Variants in WWOX observed in about 807,000 individuals in gnomAD.
WWOX encodes WW domain-containing oxidoreductase.
Under a neutral mutation model 46.2 loss-of-function variants are expected in WWOX, and 69 were observed. The observed-to-expected ratio is 1.49, with a 90% CI of 1.23 to 1.82. The LOEUF (loss-of-function observed/expected upper bound fraction) is 1.82. WWOX is among the 40% of genes most tolerant of loss of function. WWOX has a pLI of 0.00. For synonymous variants in WWOX, 359 were observed against 202.6 expected (o/e 1.77, Z -6.56); for missense variants, 919 against 542.6 (o/e 1.69, Z -6.89).
intron 5 of WWOX, among the ~76,000 whole-genome samples, chr16:78,360,104 C>T (rs1181834767): frequency 1.3e-5 from 2 of 152,166 alleles, no homozygotes; most frequent in Non-Finnish European, 2.9e-5. Context: ...AAGAAAAACA[C>T]ATTAAAAACA....
intron 6 of WWOX, among the ~76,000 whole-genome samples, chr16:78,394,164 A>T (rs2082237786): frequency 6.6e-6 from 1 of 152,158 alleles, no homozygotes. Context: ...TTTAAGAATA[A>T]TGTTTTAGCC....
intron 8 of WWOX, among the ~76,000 whole-genome samples, chr16:78,746,121 G>C (rs2049342107): frequency 6.6e-6 from 1 of 152,174 alleles, no homozygotes; most frequent in Non-Finnish European, 1.5e-5. Context: ...TTTGTCCAAG[G>C]ACATCGTTTT....
In WWOX at chr16:79,212,005, T is replaced by G; in HGVS notation, c.*209T>G. 1 of 1,536,178 alleles carries G rather than the reference T, an allele frequency of 6.5e-7. No individual in the cohort carries two copies. The highest frequency in any genetic ancestry group is 8.7e-7 in the Non-Finnish European group (1 of 1,146,868). ...AAGTATCACTTTTCTGGGGCTGGGCTAGGCATAGGTCTCTTTGCTTTCTGG... is the reference window on the plus strand; with the variant it reads ...AAGTATCACTTTTCTGGGGCTGGGCGAGGCATAGGTCTCTTTGCTTTCTGG... On this transcript the variant is annotated 3_prime_UTR_variant, in exon 9 of 9. Coordinates refer to ENST00000566780, the MANE Select transcript of WWOX (RefSeq NM_016373.4).
chr16:78,927,070 A>G (rs573589989), intron 8 of WWOX, among the ~76,000 whole-genome samples: 15 of 152,336 alleles, frequency 9.8e-5, no homozygotes, highest in African/African-American at 3.4e-4. Flanking sequence ...TGCTGGAATT[A>G]TAGGCATGAG....
intron 8 of WWOX, among the ~76,000 whole-genome samples, chr16:78,676,593 G>T (rs74540022): frequency 0.019 from 2,852 of 152,196 alleles, 35 homozygotes; most frequent in East Asian, 0.06. Flanking sequence ...CGGGCACTCT[G>T]CTCAGTGCAA....
intron 8 of WWOX, among the ~76,000 whole-genome samples, chr16:78,924,981 G>C (rs1053485587): frequency 3.9e-5 from 6 of 152,158 alleles, no homozygotes; most frequent in Admixed American, 3.9e-4. Context: ...GATCAGTTGA[G>C]CTCAGGCGTT....
At chr16:78,212,992 C>T (rs867761185) in intron 5 of WWOX, among the ~76,000 whole-genome samples, 3 of 152,182 alleles carry the variant, frequency 2.0e-5, no homozygotes, top group African/African-American at 7.2e-5. Flanking sequence ...GGCCCGATGC[C>T]TCACACCTGT....
chr16:78,860,986 T>C (rs549301935), intron 8 of WWOX, among the ~76,000 whole-genome samples: 1 of 152,116 alleles, frequency 6.6e-6, no homozygotes, highest in South Asian at 2.1e-4. Flanking sequence ...CAACTAATTT[T>C]TTGTATTTTT....
intron 8 of WWOX, among the ~76,000 whole-genome samples, chr16:79,027,913 A>T (rs987122785): frequency 4.6e-5 from 7 of 151,724 alleles, no homozygotes; most frequent in Non-Finnish European, 1.0e-4. Context: ...GAGTAGAATT[A>T]GGGAGTTTGC....
At chr16:78,574,048 T>C (rs1429441446) in intron 8 of WWOX, among the ~76,000 whole-genome samples, 1 of 152,190 alleles carries the variant, frequency 6.6e-6, no homozygotes, top group Non-Finnish European at 1.5e-5. Flanking sequence ...GCAGACTTTA[T>C]TTCCTTGTAG....
At position 78,703,150 on chromosome 16, in the gene WWOX, G is replaced by T. The variant is rs568860828; in HGVS notation, c.1056+270398G>T. Among the ~76,000 whole-genome samples the T allele has an allele frequency of 2.6e-5, 4 of 152,178 alleles. No individual in the cohort carries two copies. The East Asian group carries it at 7.7e-4, about 29-fold the overall frequency. On this transcript the variant is annotated intron_variant, in intron 8 of 8. Coordinates refer to ENST00000566780, the MANE Select transcript of WWOX (RefSeq NM_016373.4). ...GCAAATCAAGAGCCAAGAGAGGGAG[G>T]GGTGGTCGTGAGTTTTTATGATGTT...
intron 8 of WWOX, among the ~76,000 whole-genome samples, chr16:78,545,573 G>C (rs1044929096): frequency 6.6e-6 from 1 of 152,130 alleles, no homozygotes; most frequent in Non-Finnish European, 1.5e-5. Flanking sequence ...AAATGAGAGT[G>C]GAGAGACCAC....
At chr16:78,979,665 C>G (rs2046642983) in intron 8 of WWOX, among the ~76,000 whole-genome samples, 1 of 152,102 alleles carries the variant, frequency 6.6e-6, no homozygotes, top group African/African-American at 2.4e-5. Flanking sequence ...AGACAATGAT[C>G]AGTACCCATC....
chr16:78,545,714 A>G (rs1229568392), intron 8 of WWOX, among the ~76,000 whole-genome samples: 1 of 152,168 alleles, frequency 6.6e-6, no homozygotes, highest in Non-Finnish European at 1.5e-5. Flanking sequence ...AAACATTAGA[A>G]ACTTACTGTC....
At chr16:78,790,875 CG>C (rs1176603842) in intron 8 of WWOX, among the ~76,000 whole-genome samples, 1 of 151,544 alleles carries the variant, frequency 6.6e-6, no homozygotes, top group African/African-American at 2.4e-5. Flanking sequence ...AAAAATTAGC[CG>C]GGCGTTTTGG....
intron 8 of WWOX, among the ~76,000 whole-genome samples, chr16:79,139,059 C>T (rs573025930): frequency 2.6e-5 from 4 of 152,308 alleles, no homozygotes; most frequent in African/African-American, 4.8e-5. Context: ...ATGGTCCCCC[C>T]TCAGCGTTCA....
At chr16:78,124,510 C>T (rs2033271439) in intron 4 of WWOX, among the ~76,000 whole-genome samples, 3 of 152,098 alleles carry the variant, frequency 2.0e-5, no homozygotes, top group South Asian at 2.1e-4. Context: ...ACTAGGAGGC[C>T]TTCTTGGAAA....
At chr16:78,337,832 C>A (rs1410601347) in intron 5 of WWOX, among the ~76,000 whole-genome samples, 2 of 62,832 alleles carry the variant, frequency 3.2e-5, no homozygotes, top group African/African-American at 9.5e-5. Context: ...CCTTTTGTTT[C>A]CACCATGAAG....
chr16:79,040,330 G>A lies in WWOX; in HGVS notation c.1057-171278G>A, dbSNP rs990670500. Among the ~76,000 whole-genome samples, 21 of 148,180 alleles carry A rather than the reference G, an allele frequency of 1.4e-4. No individual in the cohort carries two copies. The Middle Eastern group carries it at 0.014, about 98-fold the overall frequency. The stretch of plus-strand genomic sequence containing the variant: ...CATTCTGTTGCCCAGACTGGAGTGC[G>A]GTGGTGCGATCTCAGCTCACTGCCA... On this transcript the variant is annotated intron_variant, in intron 8 of 8. Coordinates refer to ENST00000566780, the MANE Select transcript of WWOX (RefSeq NM_016373.4).
Sources: gnomAD v4.1 joint callset for allele counts (sites outside exome capture counted in the v4.1 genomes callset) on GRCh38, gnomAD v4.1.1 for gene constraint, MANE v1.5 for transcripts, NCBI Gene and HGNC (gene_info 2026-07-23, HGNC 2026-07-21) for gene names.